Variants in MAGI2 observed in about 807,000 individuals in gnomAD.
The protein encoded by MAGI2 is membrane-associated guanylate kinase, WW and PDZ domain-containing protein 2.
A neutral mutation model predicts 133.3 loss-of-function variants in MAGI2; 35 were observed. The observed-to-expected ratio is 0.26, with a 90% CI of 0.20 to 0.35. MAGI2 has a LOEUF of 0.35. Among genes scored for constraint, MAGI2 ranks in the 10% least tolerant of loss-of-function variants. MAGI2 has a pLI of 1.00. For synonymous variants in MAGI2, 729 were observed against 710.6 expected (o/e 1.03, Z -0.41); for missense variants, 1,636 against 1,863.4 (o/e 0.88, Z 2.25).
rs188356139 is a variant in MAGI2, at chr7:78,408,311, A to T, written c.1046-39098T>A. Among the ~76,000 whole-genome samples, 12 of 152,142 alleles carry T rather than the reference A, an allele frequency of 7.9e-5. No homozygotes were observed. In the East Asian group the frequency reaches 2.3e-3, roughly 29 times the overall value. ...CGGTAAGAACAAAGATCTGTCAGCAATTTTTAAGAATAAAACACATTTATA... is the reference window on the plus strand; with the variant it reads ...CGGTAAGAACAAAGATCTGTCAGCATTTTTTAAGAATAAAACACATTTATA... On this transcript the variant is annotated intron_variant, in intron 6 of 21. Coordinates refer to ENST00000354212, the MANE Select transcript of MAGI2 (RefSeq NM_012301.4).
chr7:79,414,486 G>C (rs9641589), intron 1 of MAGI2: 1 of 151,982 alleles, frequency 6.6e-6, no homozygotes, highest in African/African-American at 2.4e-5. Flanking sequence ...AATGTGACCC[G>C]TGCTGGTGTC....
intron 7 of MAGI2, among the ~76,000 whole-genome samples, chr7:78,362,278 G>C (rs1481226245): frequency 1.3e-5 from 2 of 152,116 alleles, no homozygotes; most frequent in Non-Finnish European, 2.9e-5. Context: ...CTCCAGCCTG[G>C]GAGACAGAGC....
intron 3 of MAGI2, among the ~76,000 whole-genome samples, chr7:78,585,916 G>A (rs1474426497): frequency 6.6e-6 from 1 of 152,174 alleles, no homozygotes; most frequent in African/African-American, 2.4e-5. Context: ...AGAATGGCAA[G>A]TCTGGGAAAT....
chr7:79,402,245 T>C (rs1260678194), intron 1 of MAGI2, among the ~76,000 whole-genome samples: 1 of 152,148 alleles, frequency 6.6e-6, no homozygotes, highest in Non-Finnish European at 1.5e-5. Flanking sequence ...AACTAATAAA[T>C]TTTTTAAAAT....
At chr7:78,129,328 A>C (rs1486645635) in intron 18 of MAGI2, among the ~76,000 whole-genome samples, 1 of 42,052 alleles carries the variant, frequency 2.4e-5, no homozygotes, top group Non-Finnish European at 5.7e-5. Context: ...TAAGGGAAAC[A>C]TACTAAATTT....
intron 2 of MAGI2, among the ~76,000 whole-genome samples, chr7:78,653,144 G>T (rs1006859309): frequency 6.6e-6 from 1 of 152,178 alleles, no homozygotes; most frequent in Non-Finnish European, 1.5e-5. Context: ...AACAGATGCT[G>T]GAGAGGATGT....
chr7:79,359,440 CCTGAAAATT>C (rs1563150220), intron 1 of MAGI2, among the ~76,000 whole-genome samples: 1 of 151,792 alleles, frequency 6.6e-6, no homozygotes, highest in African/African-American at 2.4e-5. Context: ...AAAAATAATG[CCTGAAAATT>C]CTCCACACTT....
rs1414343727 is a variant in MAGI2, at chr7:79,324,723, A to T, written c.301+128297T>A. ...ATATATATATTATATATGTATATAAAATATATATATATTATATATATATAT... is the reference window on the plus strand; with the variant it reads ...ATATATATATTATATATGTATATAATATATATATATATTATATATATATAT... On this transcript the variant is annotated intron_variant, in intron 1 of 21. Coordinates refer to ENST00000354212, the MANE Select transcript of MAGI2 (RefSeq NM_012301.4). 5.9e-4 allele frequency among the ~76,000 whole-genome samples: 27 copies of T among 45,618 alleles called. 3 individuals are homozygous for T. The highest frequency in any genetic ancestry group is 2.7e-4 in the Non-Finnish European group (6 of 22,324). 29.9% of individuals were successfully genotyped at this position (45,618 alleles called of 152,430 possible).
At chr7:78,305,430 G>T (rs983716732) in intron 9 of MAGI2, among the ~76,000 whole-genome samples, 3 of 152,156 alleles carry the variant, frequency 2.0e-5, no homozygotes, top group African/African-American at 4.8e-5. Flanking sequence ...GTGTAGCCTG[G>T]TGCCTAATCA....
intron 20 of MAGI2, among the ~76,000 whole-genome samples, chr7:78,083,420 G>GAGAC (rs1816260401): frequency 7.8e-6 from 1 of 128,188 alleles, no homozygotes; most frequent in East Asian, 3.5e-4. Flanking sequence ...GAGAGAGAGA[G>GAGAC]AGAGAGAGAG....
At chr7:78,827,821 G>A (rs941075707) in intron 2 of MAGI2, among the ~76,000 whole-genome samples, 2 of 152,050 alleles carry the variant, frequency 1.3e-5, no homozygotes, top group African/African-American at 4.8e-5. Context: ...ATATACAGAA[G>A]AATTCAAAAT....
chr7:78,243,940 GC>G (rs1563317353), intron 10 of MAGI2, among the ~76,000 whole-genome samples: 1 of 151,818 alleles, frequency 6.6e-6, no homozygotes, highest in Admixed American at 6.6e-5. Flanking sequence ...CTGGGCATCA[GC>G]CAATAAATTA....
chr7:78,727,398 C>A (rs1383692804), intron 2 of MAGI2, among the ~76,000 whole-genome samples: 3 of 152,192 alleles, frequency 2.0e-5, no homozygotes, highest in Non-Finnish European at 2.9e-5. Flanking sequence ...CTTTACTACA[C>A]TCTAAGTGCC....
At chr7:78,645,670 T>TGC (rs3085428) in intron 2 of MAGI2, among the ~76,000 whole-genome samples, 1 of 151,420 alleles carries the variant, frequency 6.6e-6, no homozygotes, top group Admixed American at 6.6e-5. Flanking sequence ...TGTGTGTGTG[T>TGC]ATACCATTTA....
At chr7:78,781,813 G>A (rs1184282274) in intron 2 of MAGI2, among the ~76,000 whole-genome samples, 1 of 152,104 alleles carries the variant, frequency 6.6e-6, no homozygotes, top group Admixed American at 6.5e-5. Context: ...AACTATTAGC[G>A]AGGTAGGCAC....
chr7:78,399,616 CCAA>C (rs1796665996), intron 6 of MAGI2, among the ~76,000 whole-genome samples: 1 of 151,930 alleles, frequency 6.6e-6, no homozygotes, highest in Non-Finnish European at 1.5e-5. Flanking sequence ...ACCACCCTGG[CCAA>C]CATGGTGAAA....
intron 6 of MAGI2, among the ~76,000 whole-genome samples, chr7:78,389,065 C>T (rs1421697216): frequency 6.6e-6 from 1 of 152,054 alleles, no homozygotes; most frequent in African/African-American, 2.4e-5. Context: ...TTTAGAATTA[C>T]AGTGCTAGAC....
chr7:78,533,982 G>T (rs1472908177), intron 3 of MAGI2, among the ~76,000 whole-genome samples: 1 of 152,154 alleles, frequency 6.6e-6, no homozygotes, highest in African/African-American at 2.4e-5. Context: ...ACAGCTGAGT[G>T]ATGGGCAGAG....
At chr7:78,883,863 A>G (rs980951827) in intron 2 of MAGI2, among the ~76,000 whole-genome samples, 5 of 152,240 alleles carry the variant, frequency 3.3e-5, no homozygotes, top group Non-Finnish European at 7.3e-5. Flanking sequence ...TTGAAGATGG[A>G]TTAAAGATTT....
Sources: allele counts gnomAD v4.1 joint callset (sites outside exome capture counted in the v4.1 genomes callset), GRCh38; gene constraint gnomAD v4.1.1; transcripts MANE v1.5; gene names NCBI Gene and HGNC (gene_info 2026-07-23, HGNC 2026-07-21).